The following FBLN7 variants were observed in gnomAD, a reference collection of about 807,000 sequenced individuals.
The protein encoded by FBLN7 is fibulin-7.
Under a neutral mutation model 44.0 loss-of-function variants are expected in FBLN7, and 31 were observed. That is an observed-to-expected ratio of 0.70 (90% CI 0.53 to 0.95). The LOEUF is 0.95. Among genes scored for constraint, FBLN7 ranks in the 40% least tolerant of loss-of-function variants. FBLN7 has a pLI of 0.00. For missense variants in FBLN7, 573 were observed against 618.5 expected, an observed-to-expected ratio of 0.93 and a Z score of 0.78; for synonymous variants, 262 against 253.4, an observed-to-expected ratio of 1.03 and a Z score of -0.32.
At chr2:112,172,735 C>T (rs1028651063) in intron 3 of FBLN7, among the ~76,000 whole-genome samples, 5 of 148,746 alleles carry the variant, frequency 3.4e-5, no homozygotes, top group Non-Finnish European at 5.9e-5. Context: ...TGGCTTCAAG[C>T]GATTCTCCTG....
chr2:112,160,111 C>T (rs1440576221), intron 2 of FBLN7, among the ~76,000 whole-genome samples: 9 of 151,926 alleles, frequency 5.9e-5, no homozygotes, highest in South Asian at 2.1e-4. Flanking sequence ...CTGCCTCAGC[C>T]TCCCGCGTAG....
the FBLN7 span, among the ~76,000 whole-genome samples, chr2:112,208,892 T>C: frequency 3.3e-5 from 5 of 152,172 alleles, no homozygotes; most frequent in African/African-American, 4.8e-5. Flanking sequence ...ATGACCCAAA[T>C]TAACCCTCTG....
At chr2:112,199,336 G>A in the FBLN7 span, among the ~76,000 whole-genome samples, 1 of 152,114 alleles carries the variant, frequency 6.6e-6, no homozygotes, top group South Asian at 2.1e-4. Context: ...TTCCAGTGAC[G>A]GAGTGAAAAA....
chr2:112,143,975 C>G (rs1204809145), intron 1 of FBLN7, among the ~76,000 whole-genome samples: 1 of 152,058 alleles, frequency 6.6e-6, no homozygotes, highest in Non-Finnish European at 1.5e-5. Context: ...TTGGGCAGTG[C>G]TTGTGGCTGC....
rs778333712 is a variant in FBLN7, at chr2:112,145,324, T to C, written c.75+6594T>C. On this transcript the variant is annotated intron_variant, in intron 1 of 7. Coordinates refer to ENST00000331203, the MANE Select transcript of FBLN7 (RefSeq NM_153214.3). ...TTTCTTTCTTTTTATTTTTTTGAGA[T>C]GGGGTCTTTCTATGTTGCCCAGGCC... Among the ~76,000 whole-genome samples the C allele has an allele frequency of 2.0e-5, 3 of 152,330 alleles. No homozygotes were observed. In the East Asian group the frequency reaches 5.8e-4, roughly 29 times the overall value.
intron 3 of FBLN7, among the ~76,000 whole-genome samples, chr2:112,166,248 A>G (rs1045943066): frequency 6.6e-6 from 1 of 152,124 alleles, no homozygotes; most frequent in South Asian, 2.1e-4. Flanking sequence ...AAGGGATTTC[A>G]CCATGTTGGC....
At chr2:112,168,756 T>A (rs1278361018) in intron 3 of FBLN7, among the ~76,000 whole-genome samples, 1 of 152,154 alleles carries the variant, frequency 6.6e-6, no homozygotes, top group Non-Finnish European at 1.5e-5. Context: ...AAACCACCAG[T>A]CGTGTGGTTG....
intron 1 of FBLN7, among the ~76,000 whole-genome samples, chr2:112,159,302 T>C (rs1395138951): frequency 6.6e-6 from 1 of 152,236 alleles, no homozygotes; most frequent in Non-Finnish European, 1.5e-5. Context: ...TTTAAAAATG[T>C]CTAAGAGTGA....
intron 4 of FBLN7, among the ~76,000 whole-genome samples, 184 bp from the exon 5 acceptor site, chr2:112,181,555 C>T (rs890506799): frequency 4.6e-5 from 7 of 152,166 alleles, no homozygotes; most frequent in African/African-American, 1.7e-4. Context: ...GCCCCCTTCG[C>T]GTAGGCCCTG....
At chr2:112,206,331 AC>A in the FBLN7 span, among the ~76,000 whole-genome samples, 2 of 151,956 alleles carry the variant, frequency 1.3e-5, no homozygotes, top group African/African-American at 4.8e-5. Flanking sequence ...GGTTTAACTG[AC>A]TTTTTTTCAT....
chr2:112,141,089 C>A (rs2104531010), intron 1 of FBLN7, among the ~76,000 whole-genome samples: 1 of 152,306 alleles, frequency 6.6e-6, no homozygotes, highest in South Asian at 2.1e-4. Flanking sequence ...GACTGCCGAC[C>A]CCGCTACCTG....
chr2:112,159,708 C>T lies in FBLN7; in HGVS notation c.108C>T (p.Ala36=), dbSNP rs1305319084. 3 of 1,578,556 alleles carry T rather than the reference C, an allele frequency of 1.9e-6. No individual in the cohort carries two copies. The highest frequency in any genetic ancestry group is 2.6e-6 in the Non-Finnish European group (3 of 1,161,914). Reference sequence around the variant, plus strand: ...TCAGCAAACAGCAGCTCCTCTCGGCCATCCGCCAGCTGCAGCAGCTGCTGA... The same window carrying T: ...TCAGCAAACAGCAGCTCCTCTCGGCTATCCGCCAGCTGCAGCAGCTGCTGA... ...NCLSKQQLLS[A]IRQLQQLLKG... is the part of the protein sequence containing the mutation. The change falls in exon 2 of 8, where the codon GCC becomes GCT. Residue 36 remains alanine, a synonymous_variant. Coordinates refer to ENST00000331203, the MANE Select transcript of FBLN7 (RefSeq NM_153214.3).
the FBLN7 span, chr2:112,212,709 G>C: frequency 6.6e-6 from 1 of 152,104 alleles, no homozygotes; most frequent in African/African-American, 2.4e-5. Flanking sequence ...AGCACCCCTT[G>C]AAATCTTAAG....
intron 4 of FBLN7, chr2:112,177,498 A>T (rs1682791216): frequency 6.6e-6 from 1 of 152,272 alleles, no homozygotes; most frequent in Non-Finnish European, 1.5e-5. Context: ...TTCCTTTTTT[A>T]AAAATCCATT....
the FBLN7 span, among the ~76,000 whole-genome samples, chr2:112,238,958 A>G: frequency 6.6e-6 from 1 of 152,358 alleles, no homozygotes; most frequent in Admixed American, 6.5e-5. Flanking sequence ...AAACACCCCA[A>G]GTAAACTGTA....
chr2:112,147,650 CAG>C (rs1419150950), intron 1 of FBLN7, among the ~76,000 whole-genome samples: 2 of 152,194 alleles, frequency 1.3e-5, no homozygotes, highest in Non-Finnish European at 2.9e-5. Context: ...TGCGGCTACA[CAG>C]GGGCTTTGGG....
intron 2 of FBLN7, 75 bp from the exon 3 acceptor site, chr2:112,164,926 G>A: frequency 6.6e-7 from 1 of 1,517,344 alleles, no homozygotes; most frequent in Non-Finnish European, 9.0e-7. Flanking sequence ...GAGATGGGAA[G>A]TCCTGTAATT....
At chr2:112,233,370 C>T in the FBLN7 span, 4 of 1,568,330 alleles carry the variant, frequency 2.6e-6, no homozygotes, top group Non-Finnish European at 3.5e-6. Context: ...ACACTGGTCT[C>T]CCTAGGCCAA....
At chr2:112,223,418 AAAG>A in the FBLN7 span, among the ~76,000 whole-genome samples, 1 of 152,182 alleles carries the variant, frequency 6.6e-6, no homozygotes, top group Admixed American at 6.5e-5. Context: ...CCATTAAAAA[AAAG>A]AAATGAGTGT....
Sources: allele counts gnomAD v4.1 joint callset (sites outside exome capture counted in the v4.1 genomes callset), GRCh38; gene constraint gnomAD v4.1.1; transcripts MANE v1.5; gene names NCBI Gene and HGNC (gene_info 2026-07-23, HGNC 2026-07-21).